The following FHIT variants were observed in gnomAD, a reference collection of about 807,000 sequenced individuals.
FHIT encodes bis(5'-adenosyl)-triphosphatase.
A neutral mutation model predicts 17.9 loss-of-function variants in FHIT; 19 were observed. The observed-to-expected ratio is 1.06, with a 90% confidence interval of 0.74 to 1.56. The LOEUF is 1.56. FHIT is among the 40% of genes most tolerant of loss of function. The pLI is 0.00. For synonymous variants in FHIT, 81 were observed against 69.7 expected (o/e 1.16, Z -0.81); for missense variants, 248 against 189.2 (o/e 1.31, Z -1.82).
chr3:60,340,263 G>T (rs751857421), intron 5 of FHIT, among the ~76,000 whole-genome samples: 23 of 152,156 alleles, frequency 1.5e-4, no homozygotes, highest in Non-Finnish European at 2.6e-4. Context: ...GAAGTTGAAG[G>T]TAAGGTCACA....
intron 5 of FHIT, among the ~76,000 whole-genome samples, chr3:60,364,455 C>A (rs1462416866): frequency 6.6e-6 from 1 of 152,222 alleles, no homozygotes; most frequent in East Asian, 1.9e-4. Context: ...GTGAGACTGG[C>A]AAAATCTCAG....
At chr3:60,177,848 T>C (rs1400984711) in intron 5 of FHIT, among the ~76,000 whole-genome samples, 1 of 152,166 alleles carries the variant, frequency 6.6e-6, no homozygotes, top group Non-Finnish European at 1.5e-5. Flanking sequence ...CACAATCACA[T>C]TTTGGTATAG....
chr3:60,040,369 C>T (rs1293532867), intron 5 of FHIT, among the ~76,000 whole-genome samples: 1 of 152,106 alleles, frequency 6.6e-6, no homozygotes, highest in Non-Finnish European at 1.5e-5. Context: ...TGGTCTCGAT[C>T]TCTTGACCTG....
chr3:60,217,334 A>C (rs1350702904), intron 5 of FHIT, among the ~76,000 whole-genome samples: 1 of 152,190 alleles, frequency 6.6e-6, no homozygotes, highest in Non-Finnish European at 1.5e-5. Context: ...AAGACAAAAC[A>C]TGAGTCACTT....
intron 5 of FHIT, among the ~76,000 whole-genome samples, chr3:60,352,056 T>TA (rs1287585272): frequency 6.6e-6 from 1 of 152,182 alleles, no homozygotes; most frequent in African/African-American, 2.4e-5. Flanking sequence ...AATTAATTGC[T>TA]ACTTAAGATA....
At chr3:60,219,745 C>T (rs1703873950) in intron 5 of FHIT, among the ~76,000 whole-genome samples, 1 of 152,032 alleles carries the variant, frequency 6.6e-6, no homozygotes, top group Non-Finnish European at 1.5e-5. Flanking sequence ...TCTTCTTGTC[C>T]TCACCCAGAA....
intron 1 of FHIT, among the ~76,000 whole-genome samples, chr3:61,226,417 T>G (rs556806006): frequency 6.6e-6 from 1 of 152,176 alleles, no homozygotes; most frequent in Non-Finnish European, 1.5e-5. Context: ...ATTACCCTGA[T>G]AGTCCAGGAA....
At chr3:61,205,195 C>T (rs1311534621) in intron 1 of FHIT, among the ~76,000 whole-genome samples, 2 of 152,034 alleles carry the variant, frequency 1.3e-5, no homozygotes, top group Non-Finnish European at 1.5e-5. Context: ...TGTATATGTG[C>T]CACATTTTCT....
At chr3:59,938,024 T>G (rs1348541588) in intron 7 of FHIT, among the ~76,000 whole-genome samples, 3 of 152,180 alleles carry the variant, frequency 2.0e-5, no homozygotes, top group Non-Finnish European at 4.4e-5. Flanking sequence ...CTGCAACTTT[T>G]TGCAAGGGTT....
chr3:60,237,090 A>G (rs1704836406), intron 5 of FHIT, among the ~76,000 whole-genome samples: 1 of 152,066 alleles, frequency 6.6e-6, no homozygotes, highest in Non-Finnish European at 1.5e-5. Context: ...TTGATACTCC[A>G]TTTTCACTCT....
At chr3:60,408,274 G>A (rs927762009) in intron 5 of FHIT, among the ~76,000 whole-genome samples, 6 of 152,152 alleles carry the variant, frequency 3.9e-5, no homozygotes, top group African/African-American at 7.2e-5. Flanking sequence ...GATGCAAATT[G>A]AGGGTAAACT....
At chr3:60,875,103 C>T (rs1475401566) in intron 3 of FHIT, among the ~76,000 whole-genome samples, 1 of 152,152 alleles carries the variant, frequency 6.6e-6, no homozygotes, top group East Asian at 1.9e-4. Context: ...TGGTCACCTT[C>T]CCAGGACCCA....
chr3:60,026,076 C>T (rs1700730973), intron 5 of FHIT, among the ~76,000 whole-genome samples: 1 of 152,140 alleles, frequency 6.6e-6, no homozygotes, highest in African/African-American at 2.4e-5. Context: ...ATAAAATCAA[C>T]TGCCAATCAC....
Position 59,763,994 on chromosome 3 carries a change from C to T in FHIT, c.349-11673G>A, listed in dbSNP as rs146994374. The stretch of plus-strand genomic sequence containing the variant: ...GTGCTAGGCGCAGAAGACTATTAAA[C>T]AGGCAAAGCTGTAATAAATCCAAAC... On this transcript the variant is annotated intron_variant, in intron 8 of 9. Coordinates refer to ENST00000492590, the MANE Select transcript of FHIT (RefSeq NM_002012.4). Among the ~76,000 whole-genome samples the T allele has an allele frequency of 2.0e-5, 3 of 152,280 alleles. No homozygotes were observed. The East Asian group carries it at 5.8e-4, about 29-fold the overall frequency.
At chr3:60,084,007 G>T (rs116163786) in intron 5 of FHIT, among the ~76,000 whole-genome samples, 1 of 150,866 alleles carries the variant, frequency 6.6e-6, no homozygotes, top group African/African-American at 2.5e-5. Flanking sequence ...GTATTGACAA[G>T]AAAGATGACC....
At chr3:59,849,773 T>C (rs1047209254) in intron 8 of FHIT, among the ~76,000 whole-genome samples, 2 of 152,232 alleles carry the variant, frequency 1.3e-5, no homozygotes, top group Non-Finnish European at 2.9e-5. Context: ...AAATATGGGT[T>C]ATTCTTAATC....
chr3:61,025,224 A>T (rs566125835), intron 3 of FHIT, among the ~76,000 whole-genome samples: 1 of 152,330 alleles, frequency 6.6e-6, no homozygotes, highest in Admixed American at 6.5e-5. Context: ...CTTATATGTT[A>T]TGGGCTGTAG....
At chr3:59,949,145 G>A (rs1257681732) in intron 7 of FHIT, among the ~76,000 whole-genome samples, 1 of 152,162 alleles carries the variant, frequency 6.6e-6, no homozygotes, top group Non-Finnish European at 1.5e-5. Context: ...ACATATACCA[G>A]AGTTTTGAGA....
intron 2 of FHIT, among the ~76,000 whole-genome samples, chr3:61,087,690 C>G (rs2035348921): frequency 6.6e-6 from 1 of 152,086 alleles, no homozygotes; most frequent in Admixed American, 6.6e-5. Flanking sequence ...CAAACACACA[C>G]AGATGTACAC....
Sources: allele counts gnomAD v4.1 joint callset (sites outside exome capture counted in the v4.1 genomes callset), GRCh38; gene constraint gnomAD v4.1.1; transcripts MANE v1.5; gene names NCBI Gene and HGNC (gene_info 2026-07-23, HGNC 2026-07-21).